The following TRPC6 variants were observed in gnomAD, a reference collection of about 807,000 sequenced individuals.
The protein encoded by TRPC6 is short transient receptor potential channel 6.
In TRPC6, 55 loss-of-function variants were observed where a neutral mutation model predicts 90.7. The ratio of observed to expected loss-of-function variants is 0.61; its 90% CI spans 0.49 to 0.76. TRPC6 has a LOEUF of 0.76. Ranked by LOEUF, TRPC6 falls within the 30% of genes least tolerant of loss-of-function variation. The pLI is 0.00. For missense variants in TRPC6, 989 were observed against 1,122.7 expected (o/e 0.88, Z 1.70); for synonymous variants, 393 against 393.0 (o/e 1.00, Z 0.00).
intron 1 of TRPC6, among the ~76,000 whole-genome samples, chr11:101,581,322 A>C (rs191093197): frequency 5.9e-5 from 9 of 152,360 alleles, no homozygotes; most frequent in Non-Finnish European, 8.8e-5. Flanking sequence ...TAATAACAAT[A>C]ATTAGACAAA....
chr11:101,564,660 T>C (rs184239716), intron 1 of TRPC6, among the ~76,000 whole-genome samples: 26 of 152,118 alleles, frequency 1.7e-4, no homozygotes, highest in African/African-American at 1.7e-4. Flanking sequence ...AAAGTGATAA[T>C]AGAGATTCAA....
intron 2 of TRPC6, among the ~76,000 whole-genome samples, chr11:101,497,822 T>G (rs1161339967): frequency 2.6e-5 from 4 of 152,152 alleles, no homozygotes; most frequent in Non-Finnish European, 5.9e-5. Context: ...AAGCCCTGCA[T>G]GCATTATTTG....
At chr11:101,547,422 A>G (rs1267017861) in intron 1 of TRPC6, among the ~76,000 whole-genome samples, 2 of 152,196 alleles carry the variant, frequency 1.3e-5, no homozygotes, top group African/African-American at 4.8e-5. Flanking sequence ...TAGGATGGAT[A>G]GCATGGAACA....
chr11:101,452,089 CA>C lies in TRPC6; in HGVS notation c.*865del, dbSNP rs1207943839. ...TCTGTAAATGCTCCCAGAAATGGCA[CA>C]AAATTGTGCTATAATGGAACCAAAC... On this transcript the variant is annotated 3_prime_UTR_variant, in exon 13 of 13. Transcript: ENST00000344327. 1.2e-4 allele frequency: 19 copies of C among 152,138 alleles called. No homozygotes were observed. The highest frequency in any genetic ancestry group is 4.6e-4 in the African/African-American group (19 of 41,422). The allele number at this position is 152,138 out of a possible 1,614,324, so 9.4% of individuals were successfully genotyped here.
At position 101,473,784 on chromosome 11, in the gene TRPC6, GCAAAGA is replaced by G. The variant is rs1427572768; in HGVS notation, c.1745-17_1745-12del. The G allele has an allele frequency of 6.2e-7, 1 of 1,613,432 alleles. No individual in the cohort carries two copies. Among genetic ancestry groups the G allele is most frequent in the South Asian group, 1.1e-5 (1 of 91,058 alleles). ...CCCACTTTATCCTGGCTAGGAAAAA[GCAAAGA>G]CAAAGAGTTGTGTGAGTTTCTTCAA... On this transcript the variant is annotated splice_polypyrimidine_tract_variant and intron_variant, in intron 6 of 12. Coordinates refer to ENST00000344327, the MANE Select transcript of TRPC6 (RefSeq NM_004621.6).
At chr11:101,485,020 G>T (rs929431579) in intron 4 of TRPC6, among the ~76,000 whole-genome samples, 3 of 151,800 alleles carry the variant, frequency 2.0e-5, no homozygotes, top group African/African-American at 7.3e-5. Flanking sequence ...AATGCCAAAA[G>T]AAGTCTGTAC....
chr11:101,547,367 T>C (rs1861331095), intron 1 of TRPC6, among the ~76,000 whole-genome samples: 1 of 152,176 alleles, frequency 6.6e-6, no homozygotes, highest in Non-Finnish European at 1.5e-5. Flanking sequence ...TATTTCCTTT[T>C]TGATATGAGA....
chr11:101,465,967 G>A (rs1859134853), intron 10 of TRPC6, among the ~76,000 whole-genome samples: 1 of 152,132 alleles, frequency 6.6e-6, no homozygotes, highest in African/African-American at 2.4e-5. Context: ...CTTTGATGTT[G>A]GTGACCTCTG....
chr11:101,532,777 G>A (rs1860936929), intron 1 of TRPC6, among the ~76,000 whole-genome samples: 1 of 152,152 alleles, frequency 6.6e-6, no homozygotes, highest in African/African-American at 2.4e-5. Context: ...GAGAAAGGGA[G>A]AAGCTGTTCC....
chr11:101,491,515 A>G (rs1450013742), intron 3 of TRPC6, 41 bp downstream of exon 3: 4 of 1,610,300 alleles, frequency 2.5e-6, no homozygotes, highest in Non-Finnish European at 3.4e-6. Context: ...AGCACCAACA[A>G]GAACCAAAAT....
chr11:101,453,793 A>C, intron 11 of TRPC6, 68 bp from the exon 12 acceptor site: 1 of 1,456,988 alleles, frequency 6.9e-7, no homozygotes. Flanking sequence ...ATTTGGAACA[A>C]GTTTCAGAGT....
At chr11:101,569,353 C>T (rs1445610163) in intron 1 of TRPC6, among the ~76,000 whole-genome samples, 1 of 152,068 alleles carries the variant, frequency 6.6e-6, no homozygotes, top group Non-Finnish European at 1.5e-5. Flanking sequence ...TACAGGAGCA[C>T]CCAGATTCAT....
chr11:101,562,851 C>T (rs949906154), intron 1 of TRPC6, among the ~76,000 whole-genome samples: 1 of 152,170 alleles, frequency 6.6e-6, no homozygotes, highest in African/African-American at 2.4e-5. Context: ...CATGTCTGGG[C>T]TTTCACTTCC....
chr11:101,545,167 C>T (rs1443711318), intron 1 of TRPC6, among the ~76,000 whole-genome samples: 1 of 152,038 alleles, frequency 6.6e-6, no homozygotes, highest in African/African-American at 2.4e-5. Flanking sequence ...ATGGATCCTA[C>T]ACCCACTGAT....
chr11:101,536,755 G>T (rs1591119147), intron 1 of TRPC6, among the ~76,000 whole-genome samples: 1 of 152,166 alleles, frequency 6.6e-6, no homozygotes, highest in South Asian at 2.1e-4. Context: ...TCAGGCCGCT[G>T]TACCATTCTT....
At chr11:101,509,026 TAAG>T (rs1591098459) in intron 1 of TRPC6, among the ~76,000 whole-genome samples, 1 of 151,642 alleles carries the variant, frequency 6.6e-6, no homozygotes, top group East Asian at 1.9e-4. Flanking sequence ...CTTATAAAAA[TAAG>T]AAGGACACTT....
intron 2 of TRPC6, among the ~76,000 whole-genome samples, chr11:101,492,447 T>TG (rs1432089213): frequency 6.6e-6 from 1 of 151,000 alleles, no homozygotes; most frequent in African/African-American, 2.4e-5. Flanking sequence ...TAGCCGGGAG[T>TG]GGGGATGTGT....
chr11:101,536,937 A>G (rs1023592450), intron 1 of TRPC6, among the ~76,000 whole-genome samples: 3 of 152,190 alleles, frequency 2.0e-5, no homozygotes, highest in African/African-American at 7.2e-5. Context: ...CACCATTAGG[A>G]TGGAAAGGGG....
rs71056630 is a variant in TRPC6 at position 101,558,460 on chromosome 11, T to TACACACAC, written c.170+24866_170+24873dup. Among the ~76,000 whole-genome samples the TACACACAC allele has an allele frequency of 4.7e-3, 235 of 50,492 alleles. 63 individuals are homozygous for TACACACAC. The highest frequency in any genetic ancestry group is 0.015 in the African/African-American group (176 of 11,424). 33.1% of individuals were successfully genotyped at this position (50,492 alleles called of 152,430 possible). A position where few individuals can be genotyped will look rare whatever the true frequency, so the allele number is the denominator to read the frequency against. ...ATACATATATATACACACGCACACA[T>TACACACAC]ACACACACACACACACACACACACA... On this transcript the variant is annotated intron_variant, in intron 1 of 12. Transcript: ENST00000344327.
Sources: allele counts gnomAD v4.1 joint callset (sites outside exome capture counted in the v4.1 genomes callset), GRCh38; gene constraint gnomAD v4.1.1; transcripts MANE v1.5; gene names NCBI Gene and HGNC (gene_info 2026-07-23, HGNC 2026-07-21).